The following CAPN2 variants were observed in gnomAD, a reference collection of about 807,000 sequenced individuals.
CAPN2 encodes calpain 2.
In CAPN2, 92 loss-of-function variants were observed where a neutral mutation model predicts 102.3. That is an observed-to-expected ratio of 0.90 (90% CI 0.76 to 1.07). The LOEUF is 1.07. Among genes scored for constraint, CAPN2 ranks in the 50% least tolerant of loss-of-function variants. The pLI is 0.00. For missense variants in CAPN2, 800 were observed against 909.4 expected (o/e 0.88, Z 1.55); for synonymous variants, 340 against 355.4 (o/e 0.96, Z 0.49).
At chr1:223,745,041 C>CAA (rs35193281) in intron 3 of CAPN2, among the ~76,000 whole-genome samples, 10 of 109,370 alleles carry the variant, frequency 9.1e-5, no homozygotes, top group Admixed American at 2.7e-4. Flanking sequence ...GACTTGGTCT[C>CAA]AAAAAAAAAA....
chr1:223,704,891 G>A (rs1659568800), intron 1 of CAPN2, among the ~76,000 whole-genome samples: 1 of 152,216 alleles, frequency 6.6e-6, no homozygotes, highest in African/African-American at 2.4e-5. Flanking sequence ...CCCAACGTGA[G>A]TAGGTGATGG....
At chr1:223,709,696 C>T (rs368247069), upstream of CAPN2, among the ~76,000 whole-genome samples, 10 of 149,502 alleles carry the variant, frequency 6.7e-5, no homozygotes, top group East Asian at 8.2e-4. Flanking sequence ...CTTGATTAAA[C>T]GAGGCAATCT....
intron 2 of CAPN2, 26 bp from the exon 3 acceptor site, chr1:223,744,074 A>C: frequency 2.7e-6 from 4 of 1,478,696 alleles, no homozygotes; most frequent in Non-Finnish European, 3.8e-6. Context: ...ACCCTCTGAT[A>C]AGAGCTCCTT....
Position 223,764,169 on chromosome 1 carries a change from T to C in CAPN2, c.1652T>C (p.Phe551Ser). The change falls in exon 15 of 21, where the codon TTT becomes TCT. Residue 551 changes from phenylalanine (F) to serine (S), a missense_variant. By Grantham distance (155) the Phe-to-Ser change is radical. Coordinates refer to ENST00000295006, the MANE Select transcript of CAPN2 (RefSeq NM_001748.5). The part of the protein sequence containing the change: ...LAGEDAEISA[F>S]ELQTILRRVL... ...CCACAGGATGCGGAGATCTCTGCCT[T>C]TGAGCTGCAGACCATCCTGAGAAGG... 2 of 1,613,984 alleles carry C rather than the reference T, an allele frequency of 1.2e-6. No homozygotes were observed. Among genetic ancestry groups the C allele is most frequent in the Middle Eastern group, 1.7e-4 (1 of 6,060 alleles).
At chr1:223,733,995 C>G (rs115883923) in intron 2 of CAPN2, among the ~76,000 whole-genome samples, 3 of 145,122 alleles carry the variant, frequency 2.1e-5, no homozygotes, top group South Asian at 2.1e-4. Flanking sequence ...ACTGCAGACT[C>G]GGTCCCAACT....
chr1:223,770,209 C>T (rs796676414), intron 17 of CAPN2: 43 of 583,534 alleles, frequency 7.4e-5, no homozygotes, highest in African/African-American at 4.5e-4. Context: ...TTATATAAGA[C>T]AAGAACATGG....
chr1:223,712,468 G>A (rs1326953825), upstream of CAPN2: 12 of 1,150,324 alleles, frequency 1.0e-5, no homozygotes, highest in Non-Finnish European at 1.3e-5. Context: ...GGCCGGGAGC[G>A]GCTGAGGCCA....
rs553107831 is a variant in CAPN2 at position 223,750,045 on chromosome 1, T to A, written c.814-845T>A. The stretch of plus-strand genomic sequence containing the variant: ...TTATCAAGCAACTCAAGTTCACTGT[T>A]AATTACAGAACCCAGTCTAGACCGC... On this transcript the variant is annotated intron_variant, in intron 6 of 20. Coordinates refer to ENST00000295006, the MANE Select transcript of CAPN2 (RefSeq NM_001748.5). Among the ~76,000 whole-genome samples the A allele has an allele frequency of 8.5e-5, 13 of 152,274 alleles. 1 individual carries two copies. The South Asian group carries it at 2.7e-3, about 32-fold the overall frequency.
upstream of CAPN2, chr1:223,712,412 C>G (rs1476335999): frequency 7.5e-6 from 8 of 1,071,198 alleles, no homozygotes; most frequent in African/African-American, 1.2e-4. Context: ...GTTCCCGGCG[C>G]TCGGCAGGCC....
intron 2 of CAPN2, among the ~76,000 whole-genome samples, chr1:223,739,473 C>T (rs1660552571): frequency 6.6e-6 from 1 of 152,148 alleles, no homozygotes; most frequent in African/African-American, 2.4e-5. Flanking sequence ...TGTGAGTCAC[C>T]ATGCCTGGCC....
intron 20 of CAPN2, chr1:223,773,175 A>G (rs1358028371): frequency 6.6e-6 from 1 of 152,264 alleles, no homozygotes; most frequent in Non-Finnish European, 1.5e-5. Context: ...CTGGTTACAA[A>G]TAACACTAAC....
At chr1:223,706,431 T>C (rs1350812981) in intron 1 of CAPN2, among the ~76,000 whole-genome samples, 2 of 152,218 alleles carry the variant, frequency 1.3e-5, no homozygotes, top group Non-Finnish European at 2.9e-5. Context: ...GTGGAATTCA[T>C]ATTCTCTGTG....
At position 223,752,976 on chromosome 1, in the gene CAPN2, A is replaced by C; in HGVS notation, c.1135+20A>C. On this transcript the variant is annotated intron_variant, in intron 9 of 20. Coordinates refer to ENST00000295006, the MANE Select transcript of CAPN2 (RefSeq NM_001748.5). Reference sequence around the variant, plus strand: ...ACCCGAGTAAGGGCTGTTGCATATAAGGGCTGTTGCAATGCGGGGCCACCA... The same window carrying C: ...ACCCGAGTAAGGGCTGTTGCATATACGGGCTGTTGCAATGCGGGGCCACCA... The C allele has an allele frequency of 6.2e-7, 1 of 1,612,638 alleles. No individual in the cohort carries two copies. Among genetic ancestry groups the C allele is most frequent in the Middle Eastern group, 1.7e-4 (1 of 5,776 alleles).
Position 223,752,877 on chromosome 1 carries a change from C to T in CAPN2, c.1056C>T (p.Thr352=). Residue 352 remains threonine, a synonymous_variant, in exon 9 of 21, where the codon ACC becomes ACT. Transcript: ENST00000295006. Reference sequence around the variant, plus strand: ...CCCCAGACACTCTCACCAGCGATACCTACAAGAAGTGGAAACTCACCAAAA... The same window carrying T: ...CCCCAGACACTCTCACCAGCGATACTTACAAGAAGTGGAAACTCACCAAAA... ...NLTPDTLTSD[T]YKKWKLTKMD... is the part of the protein sequence containing the mutation. 6.2e-7 allele frequency: 1 copy of T among 1,614,184 alleles called. No homozygotes were observed. Among genetic ancestry groups the T allele is most frequent in the Non-Finnish European group, 8.5e-7 (1 of 1,180,004 alleles).
At chr1:223,722,584 C>T (rs964264390) in intron 2 of CAPN2, among the ~76,000 whole-genome samples, 7 of 151,962 alleles carry the variant, frequency 4.6e-5, no homozygotes, top group African/African-American at 1.7e-4. Context: ...GTCACCACAC[C>T]TGGCAAATAA....
At chr1:223,736,111 C>A (rs1179516758) in intron 2 of CAPN2, among the ~76,000 whole-genome samples, 2 of 152,184 alleles carry the variant, frequency 1.3e-5, no homozygotes, top group Non-Finnish European at 1.5e-5. Flanking sequence ...GTGACCAGCA[C>A]CCCTGCCCAG....
chr1:223,769,466 A>G (rs1221986157), intron 16 of CAPN2, among the ~76,000 whole-genome samples: 2 of 152,062 alleles, frequency 1.3e-5, no homozygotes, highest in African/African-American at 4.8e-5. Context: ...TACACCTGCT[A>G]GCTCCCTTCA....
chr1:223,747,048 C>T lies in CAPN2; in HGVS notation c.612C>T (p.Phe204=), dbSNP rs139316104. The T allele has an allele frequency of 6.0e-4, 964 of 1,614,062 alleles. No individual in the cohort carries two copies. Among genetic ancestry groups the T allele is most frequent in the Non-Finnish European group, 7.6e-4 (901 of 1,180,000 alleles). ...CAGGGGGTGCCACCACTGAGGGCTT[C>T]GAAGACTTCACCGGAGGCATTGCTG... The part of the protein sequence containing the change: ...ALSGGATTEG[F]EDFTGGIAEW... Residue 204 remains phenylalanine, a synonymous_variant, in exon 5 of 21, where the codon TTC becomes TTT. Coordinates refer to ENST00000295006, the MANE Select transcript of CAPN2 (RefSeq NM_001748.5).
rs1326839049 is a variant in CAPN2 at position 223,725,949 on chromosome 1, A to G, written c.307+8118A>G. On this transcript the variant is annotated intron_variant, in intron 2 of 20. Coordinates refer to ENST00000295006, the MANE Select transcript of CAPN2 (RefSeq NM_001748.5). The surrounding 1 kb of genome is among the most constrained non-coding windows in gnomAD (Gnocchi z 4.1). ...CTACAATGCAGGGAACTTTAAGACT[A>G]TGTGACAGAAAGGTGCCACTGGAAC... Among the ~76,000 whole-genome samples, 1 of 152,122 alleles carries G rather than the reference A, an allele frequency of 6.6e-6. No homozygotes were observed. The highest frequency in any genetic ancestry group is 1.5e-5 in the Non-Finnish European group (1 of 68,016).
Sources: gnomAD v4.1 joint callset for allele counts (sites outside exome capture counted in the v4.1 genomes callset) on GRCh38, gnomAD v4.1.1 for gene constraint, Gnocchi (gnomAD v3.1) non-coding constraint, MANE v1.5 for transcripts, NCBI Gene and HGNC (gene_info 2026-07-23, HGNC 2026-07-21) for gene names.